SYNE3: variants seen among roughly 807,000 people sequenced by gnomAD.
SYNE3 encodes the protein spectrin repeat containing nuclear envelope family member 3.
In SYNE3, 100 loss-of-function variants were observed where a neutral mutation model predicts 111.2. The ratio of observed to expected loss-of-function variants is 0.90; its 90% CI spans 0.77 to 1.06. The LOEUF (loss-of-function observed/expected upper bound fraction) is 1.06, where lower values mean the gene tolerates loss of function less well. SYNE3 is among the 50% of genes least tolerant of loss of function. The pLI is 0.00. For missense variants in SYNE3, 1,160 were observed against 1,240.3 expected (o/e 0.94, Z 0.97); for synonymous variants, 547 against 533.9 (o/e 1.02, Z -0.34).
chr14:95,494,455 G>C (rs969120953), intron 1 of SYNE3, among the ~76,000 whole-genome samples: 2 of 152,226 alleles, frequency 1.3e-5, no homozygotes, highest in Non-Finnish European at 2.9e-5. Context: ...AGATGGGGAA[G>C]TGCAAGGCCA....
At chr14:95,434,254 A>C (rs1365382872) in intron 15 of SYNE3, among the ~76,000 whole-genome samples, 1 of 152,204 alleles carries the variant, frequency 6.6e-6, no homozygotes, top group Non-Finnish European at 1.5e-5. Context: ...ACACCGGGCC[A>C]CAACTTGGGA....
chr14:95,453,207 T>C lies in SYNE3; in HGVS notation c.1138-824A>G, dbSNP rs140377893. On this transcript the variant is annotated intron_variant, in intron 6 of 17. Coordinates refer to ENST00000682763, the MANE Select transcript of SYNE3 (RefSeq NM_152592.6). ...ACTCTCACCAACCACGTGGGTCGGGTGATATTGACAAGGCACTTGGTACAG... is the reference window on the plus strand; with the variant it reads ...ACTCTCACCAACCACGTGGGTCGGGCGATATTGACAAGGCACTTGGTACAG... Among the ~76,000 whole-genome samples the C allele has an allele frequency of 8.5e-4, 129 of 152,222 alleles. 3 individuals carry two copies. The highest frequency in any genetic ancestry group is 2.8e-3 in the African/African-American group (116 of 41,550).
At position 95,433,114 on chromosome 14, in the gene SYNE3, G is replaced by A. The variant is rs1038931762; in HGVS notation, c.2688+146C>T. 5 of 1,200,572 alleles carry A rather than the reference G, an allele frequency of 4.2e-6. No homozygotes were observed. The African/African-American group carries it at 6.1e-5, about 15-fold the overall frequency. 74.4% of individuals were successfully genotyped at this position (1,200,572 alleles called of 1,614,324 possible). A position where few individuals can be genotyped will look rare whatever the true frequency, so the allele number is the denominator to read the frequency against. ...GTGCCCAGAACCCATGAGTGTCCCT[G>A]TCCTCTGCCTGAGTGGTCACCACTG... On this transcript the variant is annotated intron_variant, in intron 16 of 17. Transcript: ENST00000682763.
At position 95,408,197 on chromosome 14, in the gene SYNE3, A is replaced by T. The variant is rs1031164037; in HGVS notation, c.*9629T>A. The T allele has an allele frequency of 1.3e-5, 2 of 151,982 alleles. No homozygotes were observed. The highest frequency in any genetic ancestry group is 4.8e-5 in the African/African-American group (2 of 41,384). 9.4% of individuals were successfully genotyped at this position (151,982 alleles called of 1,614,324 possible). ...CATGGGACGGATGACAAATGAAACG[A>T]AAAAATCCATCTGGGTGGGGGGCTT... On this transcript the variant is annotated 3_prime_UTR_variant, in exon 18 of 18. Coordinates refer to ENST00000682763, the MANE Select transcript of SYNE3 (RefSeq NM_152592.6).
intron 1 of SYNE3, among the ~76,000 whole-genome samples, chr14:95,515,353 G>A (rs1285380121): frequency 6.6e-6 from 1 of 152,216 alleles, no homozygotes; most frequent in East Asian, 1.9e-4. Flanking sequence ...AAAACAGCTC[G>A]TTGGCACTGA....
intron 17 of SYNE3, among the ~76,000 whole-genome samples, chr14:95,420,217 A>T (rs78666146): frequency 3.9e-5 from 6 of 151,928 alleles, no homozygotes; most frequent in Non-Finnish European, 5.9e-5. Flanking sequence ...TGGGTGACAC[A>T]TTGTTTAAGC....
intron 1 of SYNE3, among the ~76,000 whole-genome samples, chr14:95,487,606 T>C (rs939256510): frequency 1.1e-4 from 16 of 152,160 alleles, no homozygotes; most frequent in Admixed American, 7.9e-4. Flanking sequence ...CACAGTTTGA[T>C]AAGTTTTAGA....
rs115493125 is a variant in SYNE3 at position 95,476,813 on chromosome 14, T to C, written c.-14-978A>G. ...TGTTGTTAAATGAGCCCAGAATGGG[T>C]ATAAAGTTTAACACATCAAAAAACT... On this transcript the variant is annotated intron_variant, in intron 1 of 17. Transcript: ENST00000682763. Among the ~76,000 whole-genome samples the C allele has an allele frequency of 9.9e-3, 1,505 of 152,324 alleles. 35 individuals carry two copies. The highest frequency in any genetic ancestry group is 0.035 in the African/African-American group (1,451 of 41,560).
At position 95,415,525 on chromosome 14, in the gene SYNE3, C is replaced by T. The variant is rs1347663490; in HGVS notation, c.*2301G>A. The T allele has an allele frequency of 6.6e-6, 1 of 152,024 alleles. No homozygotes were observed. Among genetic ancestry groups the T allele is most frequent in the Non-Finnish European group, 1.5e-5 (1 of 68,008 alleles). The allele number at this position is 152,024 out of a possible 1,614,324, so 9.4% of individuals were successfully genotyped here. On this transcript the variant is annotated 3_prime_UTR_variant, in exon 18 of 18. Coordinates refer to ENST00000682763, the MANE Select transcript of SYNE3 (RefSeq NM_152592.6). ...GATCTACTTTTTGAACTTTTCATCCCCTGTAGTTGCCAATTCTGCATGTAC... is the reference window on the plus strand; with the variant it reads ...GATCTACTTTTTGAACTTTTCATCCTCTGTAGTTGCCAATTCTGCATGTAC...
chr14:95,468,336 C>T (rs1483646608), intron 2 of SYNE3, among the ~76,000 whole-genome samples: 1 of 152,172 alleles, frequency 6.6e-6, no homozygotes, highest in Non-Finnish European at 1.5e-5. Context: ...CAGGATTAAA[C>T]GATGAGAAAA....
chr14:95,411,670 A>C lies in SYNE3; in HGVS notation c.*6156T>G, dbSNP rs10047824. 109,020 of 152,024 alleles carry C rather than the reference A, an allele frequency of 0.72. 39,335 individuals carry two copies. Among genetic ancestry groups the C allele is most frequent in the Non-Finnish European group, 0.76 (51,687 of 68,020 alleles). The allele number at this position is 152,024 out of a possible 1,614,324, so 9.4% of individuals were successfully genotyped here. A position where few individuals can be genotyped will look rare whatever the true frequency, so the allele number is the denominator to read the frequency against. On this transcript the variant is annotated 3_prime_UTR_variant, in exon 18 of 18. Transcript: ENST00000682763. ...CAGGATCCCGCTGGGCTATGGACAC[A>C]GAGGCTTCCTGGCAATCACTGCAGA...
intron 6 of SYNE3, among the ~76,000 whole-genome samples, chr14:95,454,328 T>C (rs1331933239): frequency 6.6e-6 from 1 of 152,270 alleles, no homozygotes; most frequent in Non-Finnish European, 1.5e-5. Context: ...TTAAAATCCC[T>C]GTCTCCACCT....
Position 95,409,842 on chromosome 14 carries a change from G to T in SYNE3, c.*7984C>A. 5.7e-6 allele frequency: 1 copy of T among 174,396 alleles called. No homozygotes were observed. The highest frequency in any genetic ancestry group is 1.2e-5 in the Non-Finnish European group (1 of 80,258). 10.8% of individuals were successfully genotyped at this position (174,396 alleles called of 1,614,324 possible). A position where few individuals can be genotyped will look rare whatever the true frequency, so the allele number is the denominator to read the frequency against. ...CAATTGGGTGATGAGGGCCACCTGTGGGGTGCCCCCACCCACTTTCCTTTT... is the reference window on the plus strand; with the variant it reads ...CAATTGGGTGATGAGGGCCACCTGTTGGGTGCCCCCACCCACTTTCCTTTT... On this transcript the variant is annotated 3_prime_UTR_variant, in exon 18 of 18. Transcript: ENST00000682763.
At chr14:95,436,359 T>C (rs1417518001) in intron 15 of SYNE3, among the ~76,000 whole-genome samples, 1 of 152,094 alleles carries the variant, frequency 6.6e-6, no homozygotes, top group Non-Finnish European at 1.5e-5. Flanking sequence ...ATACGAGATG[T>C]GTAGTCCATG....
At chr14:95,465,789 G>T in intron 4 of SYNE3, 142 bp downstream of exon 4, 1 of 923,860 alleles carries the variant, frequency 1.1e-6, no homozygotes, top group Non-Finnish European at 1.6e-6. Flanking sequence ...GTGAACAGGT[G>T]AGTAGATGGA....
At chr14:95,505,081 T>C (rs891833345) in intron 1 of SYNE3, among the ~76,000 whole-genome samples, 1 of 152,232 alleles carries the variant, frequency 6.6e-6, no homozygotes, top group Non-Finnish European at 1.5e-5. Context: ...TGCTGGGTCC[T>C]GCCTTGGGAC....
chr14:95,415,242 C>T lies in SYNE3; in HGVS notation c.*2584G>A, dbSNP rs942220221. 6.6e-6 allele frequency: 1 copy of T among 152,256 alleles called. No homozygotes were observed. The highest frequency in any genetic ancestry group is 1.5e-5 in the Non-Finnish European group (1 of 68,138). The allele number at this position is 152,256 out of a possible 1,614,324, so 9.4% of individuals were successfully genotyped here. ...TCCCCATTCTGGGCCTCAGCTTTCTCACCTGTGACATAGGAAAGTGGACAC... is the reference window on the plus strand; with the variant it reads ...TCCCCATTCTGGGCCTCAGCTTTCTTACCTGTGACATAGGAAAGTGGACAC... On this transcript the variant is annotated 3_prime_UTR_variant, in exon 18 of 18. Transcript: ENST00000682763.
intron 1 of SYNE3, among the ~76,000 whole-genome samples, chr14:95,477,682 C>A (rs1453939066): frequency 6.6e-6 from 1 of 152,174 alleles, no homozygotes; most frequent in East Asian, 1.9e-4. Flanking sequence ...ACGTAGCGGG[C>A]TGTGCTCTGG....
In SYNE3 at chr14:95,476,646, T is replaced by C. The variant is rs923401413; in HGVS notation, c.-14-811A>G. Among the ~76,000 whole-genome samples, 6 of 152,384 alleles carry C rather than the reference T, an allele frequency of 3.9e-5. No individual in the cohort carries two copies. The East Asian group carries it at 9.6e-4, about 24-fold the overall frequency. On this transcript the variant is annotated intron_variant, in intron 1 of 17. Coordinates refer to ENST00000682763, the MANE Select transcript of SYNE3 (RefSeq NM_152592.6). ...CCAGTTAGTCCAGGCAAAACTCTTC[T>C]GTATTCCAGTTCTAGTTGTCTGCAT...
Sources: allele counts gnomAD v4.1 joint callset (sites outside exome capture counted in the v4.1 genomes callset), GRCh38; gene constraint gnomAD v4.1.1; transcripts MANE v1.5; gene names NCBI Gene and HGNC (gene_info 2026-07-23, HGNC 2026-07-21).